KRIT1: variants seen among roughly 807,000 people sequenced by gnomAD.
KRIT1 encodes the protein krev interaction trapped protein 1.
In KRIT1, 45 loss-of-function variants were observed where a neutral mutation model predicts 95.8. The observed-to-expected ratio is 0.47, with a 90% confidence interval of 0.37 to 0.60. The LOEUF (loss-of-function observed/expected upper bound fraction) is 0.60. Ranked by LOEUF, KRIT1 falls within the 20% of genes least tolerant of loss-of-function variation. KRIT1 has a pLI of 0.00. For missense variants in KRIT1, 788 were observed against 877.5 expected, an observed-to-expected ratio of 0.90 and a Z score of 1.29; for synonymous variants, 282 against 278.8, an observed-to-expected ratio of 1.01 and a Z score of -0.11.
chr7:92,213,283 G>GTAAA lies in KRIT1; in HGVS notation c.1933_1936dup (p.Thr646IlefsTer10), dbSNP rs1490051866. 6.2e-7 allele frequency: 1 copy of GTAAA among 1,613,364 alleles called. No homozygotes were observed. Among genetic ancestry groups the GTAAA allele is most frequent in the East Asian group, 2.2e-5 (1 of 44,826 alleles). ...TTTATGATTGCTGGGGCTTGCCTTT[G>GTAAA]TAAATATCTGTCCTGTGAAAAATGC... On this transcript the variant is annotated frameshift_variant, in exon 17 of 19. Transcript: ENST00000394505. LOFTEE classifies it high-confidence loss of function.
At position 92,214,030 on chromosome 7, in the gene KRIT1, AAGTAT is replaced by A. The variant is rs1375296702; in HGVS notation, c.1731-56_1731-52del. Reference sequence around the variant, plus strand: ...TTAAATAAATCATCTTTAGTAGCTAAAGTATAGTAATCATTCTGTTACAAATGGCT... The same window carrying A: ...TTAAATAAATCATCTTTAGTAGCTAAAGTAATCATTCTGTTACAAATGGCT... On this transcript the variant is annotated intron_variant, in intron 15 of 18. Transcript: ENST00000394505. The A allele has an allele frequency of 7.6e-6, 8 of 1,057,072 alleles. No homozygotes were observed. The South Asian group carries it at 8.8e-5, about 12-fold the overall frequency. The allele number at this position is 1,057,072 out of a possible 1,614,324, so 65.5% of individuals were successfully genotyped here. A position where few individuals can be genotyped will look rare whatever the true frequency, so the allele number is the denominator to read the frequency against.
intron 2 of KRIT1, among the ~76,000 whole-genome samples, chr7:92,244,696 G>C (rs1168146537): frequency 6.6e-6 from 1 of 152,156 alleles, no homozygotes; most frequent in Non-Finnish European, 1.5e-5. Context: ...TAAAATACAA[G>C]AAAGGTATAA....
chr7:92,233,620 T>C (rs1311630008), intron 10 of KRIT1, among the ~76,000 whole-genome samples: 1 of 151,748 alleles, frequency 6.6e-6, no homozygotes, highest in Non-Finnish European at 1.5e-5. Context: ...TTAGCCAGGA[T>C]GGTCTTGATC....
intron 16 of KRIT1, 75 bp from the exon 17 acceptor site, chr7:92,213,476 C>A (rs1207970035): frequency 1.1e-6 from 1 of 945,968 alleles, no homozygotes; most frequent in South Asian, 1.4e-5. Context: ...CCAAATAGAT[C>A]AACTAAGCAG....
chr7:92,224,358 A>T (rs2131483940), intron 12 of KRIT1, among the ~76,000 whole-genome samples: 2 of 152,280 alleles, frequency 1.3e-5, no homozygotes, highest in East Asian at 3.9e-4. Context: ...GCTACTCAAG[A>T]GGCTGAGGTG....
intron 12 of KRIT1, among the ~76,000 whole-genome samples, chr7:92,223,425 A>C (rs1795569975): frequency 6.7e-6 from 1 of 150,084 alleles, no homozygotes; most frequent in Non-Finnish European, 1.5e-5. Context: ...CCTGGGTGAC[A>C]GAGCAAGACT....
intron 14 of KRIT1, among the ~76,000 whole-genome samples, chr7:92,217,937 T>A (rs1794324282): frequency 6.6e-6 from 1 of 152,234 alleles, no homozygotes; most frequent in Non-Finnish European, 1.5e-5. Flanking sequence ...TTTTGTTTTT[T>A]ATAGCCATCC....
At chr7:92,233,611 T>C (rs1797797548) in intron 10 of KRIT1, among the ~76,000 whole-genome samples, 1 of 151,872 alleles carries the variant, frequency 6.6e-6, no homozygotes, top group African/African-American at 2.4e-5. Context: ...TTCACCATGT[T>C]AGCCAGGATG....
At position 92,213,897 on chromosome 7, in the gene KRIT1, A is replaced by G. The variant is rs1444174236; in HGVS notation, c.1813T>C (p.Tyr605His). ...ATTTCTATTAAACAGCTTACCTTGT[A>G]TTCATGAAGTATGCGATTTGTCCAG... ...PHWTNRILHE[Y>H]KNLSTSEGVS... Residue 605 changes from tyrosine to histidine, a missense_variant, in exon 16 of 19, where the codon TAC (tyrosine) becomes CAC (histidine). By Grantham distance (83) the Tyr-to-His change is moderately conservative. This residue lies in a region of KRIT1 where 493 missense variants were observed against 582.3 expected (regional missense o/e 0.85). Coordinates refer to ENST00000394505, the MANE Select transcript of KRIT1 (RefSeq NM_194454.3). The G allele has an allele frequency of 5.7e-6, 9 of 1,574,842 alleles. No homozygotes were observed. Among genetic ancestry groups the G allele is most frequent in the Non-Finnish European group, 7.9e-6 (9 of 1,144,384 alleles).
intron 10 of KRIT1, 40 bp downstream of exon 10, chr7:92,234,409 G>A (rs377366885): frequency 7.0e-7 from 1 of 1,424,874 alleles, no homozygotes; most frequent in Non-Finnish European, 9.9e-7. Flanking sequence ...AATAAAAAAT[G>A]TATTCTTTCT....
At chr7:92,235,360 A>G in intron 8 of KRIT1, 43 bp downstream of exon 8, 2 of 1,597,422 alleles carry the variant, frequency 1.3e-6, no homozygotes, top group Non-Finnish European at 1.7e-6. Context: ...CACTTGAGAT[A>G]AAACGTCTTT....
chr7:92,241,204 T>C, intron 4 of KRIT1, 52 bp from the exon 5 acceptor site: 1 of 1,298,238 alleles, frequency 7.7e-7, no homozygotes, highest in Non-Finnish European at 1.1e-6. Flanking sequence ...CTACTTGCCC[T>C]AGAATACTAC....
rs1472538856 is a variant in KRIT1, at chr7:92,222,938, C to T, written c.1295G>A (p.Arg432His). ...VRIYRMDGSY[R>H]SVELKHGNNT... ...ATTTCCATGCTTCAATTCAACAGAA[C>T]GATATGACCCATCCATTCTGTATAT... Residue 432 changes from arginine (R) to histidine (H), a missense_variant, in exon 13 of 19, where the codon CGT (arginine) becomes CAT (histidine). Arg to His is a conservative substitution (Grantham distance 29). Coordinates refer to ENST00000394505, the MANE Select transcript of KRIT1 (RefSeq NM_194454.3). 10 of 1,608,882 alleles carry T rather than the reference C, an allele frequency of 6.2e-6. No individual in the cohort carries two copies. The highest frequency in any genetic ancestry group is 2.2e-5 in the East Asian group (1 of 44,836).
At chr7:92,235,901 A>G in intron 7 of KRIT1, 2 of 369,594 alleles carry the variant, frequency 5.4e-6, no homozygotes, top group Non-Finnish European at 1.0e-5. Context: ...TATGATCTAT[A>G]AAGATCAAGT....
rs147214051 is a variant in KRIT1, at chr7:92,233,325, C to T, written c.989+1124G>A. On this transcript the variant is annotated intron_variant, in intron 10 of 18. Coordinates refer to ENST00000394505, the MANE Select transcript of KRIT1 (RefSeq NM_194454.3). The stretch of plus-strand genomic sequence containing the variant: ...ATATATGGATAAATAAGCTGAGATG[C>T]AGAGAGGTAAAGTGAATTACCTTGC... Among the ~76,000 whole-genome samples the T allele has an allele frequency of 4.1e-3, 624 of 151,440 alleles. 7 individuals are homozygous for T. Among genetic ancestry groups the T allele is most frequent in the African/African-American group, 0.014 (592 of 41,262 alleles).
chr7:92,238,223 T>C (rs951133007), intron 5 of KRIT1, among the ~76,000 whole-genome samples: 5 of 152,244 alleles, frequency 3.3e-5, no homozygotes, highest in Non-Finnish European at 5.9e-5. Flanking sequence ...GGCTACAAAC[T>C]ATTGTTCTAA....
chr7:92,202,946 C>T (rs1790538562), intron 17 of KRIT1, among the ~76,000 whole-genome samples: 1 of 152,146 alleles, frequency 6.6e-6, no homozygotes, highest in South Asian at 2.1e-4. Flanking sequence ...CCTTAAACTG[C>T]CTTCTCTTTT....
chr7:92,233,345 C>A (rs979213491), intron 10 of KRIT1, among the ~76,000 whole-genome samples: 11 of 151,708 alleles, frequency 7.3e-5, no homozygotes, highest in Non-Finnish European at 1.3e-4. Context: ...AAGTGAATTA[C>A]CTTGCTCAAT....
intron 10 of KRIT1, 104 bp downstream of exon 10, chr7:92,234,345 A>G: frequency 1.1e-6 from 1 of 909,798 alleles, no homozygotes; most frequent in Non-Finnish European, 1.7e-6. Flanking sequence ...GCAAACAGGT[A>G]GAGAAAAAGT....
Sources: gnomAD v4.1 joint callset for allele counts (sites outside exome capture counted in the v4.1 genomes callset) on GRCh38, gnomAD v4.1.1 for gene constraint, gnomAD v4.1.1 regional missense constraint, MANE v1.5 for transcripts, NCBI Gene and HGNC (gene_info 2026-07-23, HGNC 2026-07-21) for gene names.